CELF4: variants seen among roughly 807,000 people sequenced by gnomAD.
CELF4 encodes the protein CUGBP Elav-like family member 4.
In CELF4, 18 loss-of-function variants were observed where a neutral mutation model predicts 59.9. That is an observed-to-expected ratio of 0.30 (90% CI 0.21 to 0.45). The LOEUF is 0.45. Ranked by LOEUF, CELF4 falls within the 20% of genes least tolerant of loss-of-function variation. The pLI is 1.00. For missense variants in CELF4, 456 were observed against 689.0 expected (o/e 0.66, Z 3.79); for synonymous variants, 261 against 267.1 (o/e 0.98, Z 0.22).
chr18:37,275,078 C>G, intron 4 of CELF4, 37 bp downstream of exon 4: 1 of 1,607,560 alleles, frequency 6.2e-7, no homozygotes, highest in Non-Finnish European at 8.5e-7. Flanking sequence ...CCTCGCCCCT[C>G]CCTCCGGGGC....
intron 3 of CELF4, among the ~76,000 whole-genome samples, chr18:37,315,022 G>A (rs576184271): frequency 6.6e-6 from 1 of 151,946 alleles, no homozygotes; most frequent in African/African-American, 2.4e-5. Context: ...CTGTGCAGGT[G>A]GCCACCTGTG....
At chr18:37,312,708 C>A (rs2096719550) in intron 3 of CELF4, among the ~76,000 whole-genome samples, 1 of 152,158 alleles carries the variant, frequency 6.6e-6, no homozygotes, top group Non-Finnish European at 1.5e-5. Context: ...GGGTGAGAGA[C>A]AGACTCATAG....
chr18:37,374,066 C>T (rs1473945238), intron 2 of CELF4, among the ~76,000 whole-genome samples: 2 of 152,204 alleles, frequency 1.3e-5, no homozygotes, highest in Non-Finnish European at 2.9e-5. Flanking sequence ...CCGAAATCCA[C>T]AGCAATTCAC....
At chr18:37,248,893 T>C (rs1463076636) in intron 12 of CELF4, among the ~76,000 whole-genome samples, 1 of 147,230 alleles carries the variant, frequency 6.8e-6, no homozygotes, top group Non-Finnish European at 1.5e-5. Context: ...CTGCAGGCTT[T>C]CCAGTCCACA....
rs372830155 is a variant in CELF4, at chr18:37,273,042, G to A, written c.923C>T (p.Ala308Val). Residue 308 changes from alanine (A) to valine (V), a missense_variant, in exon 7 of 13, where the codon GCG (alanine) becomes GTG (valine). Transcript: ENST00000420428. ...QMAALNMNGLAAAPMTPTSGG... is the reference protein window; with the variant it reads ...QMAALNMNGLVAAPMTPTSGG... Reference sequence around the variant, plus strand: ...TGAGGTTGGGGTCATAGGTGCGGCCGCCAGGCCATTCATGTTGAGGGCCGC... The same window carrying A: ...TGAGGTTGGGGTCATAGGTGCGGCCACCAGGCCATTCATGTTGAGGGCCGC... 31 of 1,611,480 alleles carry A rather than the reference G, an allele frequency of 1.9e-5. No individual in the cohort carries two copies. Among genetic ancestry groups the A allele is most frequent in the Middle Eastern group, 2.0e-4 (1 of 4,970 alleles).
chr18:37,331,183 C>G (rs960814040), intron 2 of CELF4, among the ~76,000 whole-genome samples: 1 of 152,204 alleles, frequency 6.6e-6, no homozygotes. Flanking sequence ...CTTCTTCCCC[C>G]AACGCCCTGT....
intron 1 of CELF4, among the ~76,000 whole-genome samples, chr18:37,516,558 C>A (rs922103027): frequency 4.6e-5 from 7 of 152,182 alleles, no homozygotes; most frequent in African/African-American, 1.4e-4. Flanking sequence ...GAATTAACTA[C>A]CAGGACCAGG....
chr18:37,493,762 G>A (rs1260489756), intron 1 of CELF4, among the ~76,000 whole-genome samples: 1 of 152,140 alleles, frequency 6.6e-6, no homozygotes, highest in Non-Finnish European at 1.5e-5. Flanking sequence ...GGCTCTCCAA[G>A]TGCTGGAATC....
In CELF4 at chr18:37,276,350, G is replaced by A. The variant is rs922144152; in HGVS notation, c.449-1107C>T. The A allele has an allele frequency of 2.0e-5, 3 of 152,320 alleles. No homozygotes were observed. In the East Asian group the frequency reaches 5.8e-4, roughly 29 times the overall value. 9.4% of individuals were successfully genotyped at this position (152,320 alleles called of 1,614,324 possible). On this transcript the variant is annotated intron_variant, in intron 3 of 12. Transcript: ENST00000420428. ...CACTCCTCTCACTGAGAGTCCGGGGGCGTATTCCTTCCCCTTGACTGCTCT... is the reference window on the plus strand; with the variant it reads ...CACTCCTCTCACTGAGAGTCCGGGGACGTATTCCTTCCCCTTGACTGCTCT...
intron 2 of CELF4, among the ~76,000 whole-genome samples, chr18:37,463,748 G>A (rs1042709704): frequency 6.6e-6 from 1 of 152,136 alleles, no homozygotes; most frequent in Non-Finnish European, 1.5e-5. Flanking sequence ...CTTGCTCAGT[G>A]GGTCCCAGCT....
chr18:37,263,555 G>A (rs140901706), intron 10 of CELF4, among the ~76,000 whole-genome samples: 95 of 152,150 alleles, frequency 6.2e-4, no homozygotes, highest in Admixed American at 1.5e-3. Flanking sequence ...GCCCCCTCAA[G>A]CTGAGCTCTC....
At chr18:37,433,931 G>A (rs1415610323) in intron 2 of CELF4, among the ~76,000 whole-genome samples, 1 of 152,216 alleles carries the variant, frequency 6.6e-6, no homozygotes, top group East Asian at 1.9e-4. Flanking sequence ...GTTTGGAAGT[G>A]TTTATTTTTA....
chr18:37,430,729 G>A (rs533376289), intron 2 of CELF4, among the ~76,000 whole-genome samples: 173 of 152,304 alleles, frequency 1.1e-3, no homozygotes, highest in Middle Eastern at 6.8e-3. Context: ...CTCCTGGCTC[G>A]GGCCCCCTGG....
intron 2 of CELF4, among the ~76,000 whole-genome samples, chr18:37,377,672 G>T (rs1019874090): frequency 6.6e-6 from 1 of 152,220 alleles, no homozygotes; most frequent in Non-Finnish European, 1.5e-5. Flanking sequence ...AGGAAGACGG[G>T]TGTGTTCCTG....
chr18:37,449,478 G>C (rs1277599371), intron 2 of CELF4, among the ~76,000 whole-genome samples: 1 of 152,122 alleles, frequency 6.6e-6, no homozygotes, highest in African/African-American at 2.4e-5. Flanking sequence ...AAGCTTGCAG[G>C]GTTCTTTGAG....
chr18:37,381,520 G>A (rs1485629252), intron 2 of CELF4, among the ~76,000 whole-genome samples: 1 of 152,098 alleles, frequency 6.6e-6, no homozygotes, highest in African/African-American at 2.4e-5. Context: ...GGTAGGGACT[G>A]AACACTCCTT....
chr18:37,348,640 T>G (rs1018603959), intron 2 of CELF4, among the ~76,000 whole-genome samples: 22 of 151,896 alleles, frequency 1.4e-4, no homozygotes, highest in African/African-American at 4.6e-4. Context: ...GGAGCAAAAT[T>G]CCCTCCTCCT....
intron 2 of CELF4, among the ~76,000 whole-genome samples, chr18:37,402,548 T>C (rs1404271730): frequency 6.6e-6 from 1 of 152,018 alleles, no homozygotes; most frequent in Non-Finnish European, 1.5e-5. Flanking sequence ...AGGTGGCAGG[T>C]GGAAAGTAGG....
chr18:37,393,761 C>G (rs967981995), intron 2 of CELF4, among the ~76,000 whole-genome samples: 2 of 142,592 alleles, frequency 1.4e-5, no homozygotes, highest in Admixed American at 7.1e-5. Flanking sequence ...ACTAACAACC[C>G]ATCCCCAATC....
Sources: gnomAD v4.1 joint callset for allele counts (sites outside exome capture counted in the v4.1 genomes callset) on GRCh38, gnomAD v4.1.1 for gene constraint, MANE v1.5 for transcripts, NCBI Gene and HGNC (gene_info 2026-07-23, HGNC 2026-07-21) for gene names.